Variants in PDE11A observed in about 807,000 individuals in gnomAD.
The protein encoded by PDE11A is phosphodiesterase 11A, also known as dual 3',5'-cyclic-AMP and -GMP phosphodiesterase 11A.
A neutral mutation model predicts 100.5 loss-of-function variants in PDE11A; 100 were observed. That is an observed-to-expected ratio of 1.00 (90% CI 0.85 to 1.18). The LOEUF (loss-of-function observed/expected upper bound fraction) is 1.18. Among genes scored for constraint, PDE11A ranks in the 50% most tolerant of loss-of-function variants. The probability of loss-of-function intolerance (pLI) is 0.00; values close to 1 mark genes in which losing one functional copy is unlikely to be tolerated. For missense variants in PDE11A, 1,141 were observed against 1,152.6 expected, an observed-to-expected ratio of 0.99 and a Z score of 0.15; for synonymous variants, 381 against 420.8, an observed-to-expected ratio of 0.91 and a Z score of 1.16.
intron 2 of PDE11A, among the ~76,000 whole-genome samples, chr2:178,099,437 A>C (rs1307126750): frequency 2.8e-5 from 4 of 141,642 alleles, no homozygotes; most frequent in African/African-American, 1.1e-4. Context: ...GTGAGACTCC[A>C]TCTCAAGAGA....
In PDE11A at chr2:177,627,075, C is replaced by G. The variant is rs1214147269; in HGVS notation, c.*2332G>C. 1 of 110,832 alleles carries G rather than the reference C, an allele frequency of 9.0e-6. No individual in the cohort carries two copies. Among genetic ancestry groups the G allele is most frequent in the African/African-American group, 3.6e-5 (1 of 27,404 alleles). The allele number at this position is 110,832 out of a possible 1,614,324, so 6.9% of individuals were successfully genotyped here. ...TTTGAGACGGAGTCTCGCTGGTCGC[C>G]CAGGCTGGAGGGCAGTGACGTGATC... On this transcript the variant is annotated 3_prime_UTR_variant, in exon 20 of 20. Coordinates refer to ENST00000286063, the MANE Select transcript of PDE11A (RefSeq NM_016953.4).
intron 2 of PDE11A, among the ~76,000 whole-genome samples, chr2:177,910,375 T>C (rs1401781934): frequency 6.6e-6 from 1 of 152,056 alleles, no homozygotes; most frequent in Non-Finnish European, 1.5e-5. Context: ...TTAATCTTTT[T>C]TTTCAGTCCC....
intron 6 of PDE11A, among the ~76,000 whole-genome samples, chr2:177,827,473 A>T (rs1391786748): frequency 6.6e-6 from 1 of 152,218 alleles, no homozygotes; most frequent in Non-Finnish European, 1.5e-5. Flanking sequence ...TTCTATTTAA[A>T]TGTTGAGTCC....
chr2:177,834,790 C>G (rs1035489544), intron 6 of PDE11A, among the ~76,000 whole-genome samples: 1 of 152,178 alleles, frequency 6.6e-6, no homozygotes, highest in Non-Finnish European at 1.5e-5. Flanking sequence ...TTCCTTTTCT[C>G]CACCCTGTAG....
chr2:177,820,527 C>A (rs1435517930), intron 6 of PDE11A, among the ~76,000 whole-genome samples: 1 of 151,866 alleles, frequency 6.6e-6, no homozygotes, highest in Non-Finnish European at 1.5e-5. Context: ...AAATCCAAAA[C>A]CAACATGACC....
At chr2:177,686,425 C>T (rs1183930629) in intron 15 of PDE11A, among the ~76,000 whole-genome samples, 1 of 151,980 alleles carries the variant, frequency 6.6e-6, no homozygotes. Context: ...AAATTAGCTA[C>T]ATGTGGAGGC....
In PDE11A at chr2:177,884,437, A is replaced by G. The variant is rs79629951; in HGVS notation, c.1303-8514T>C. ...GCAATAGCCAGATGAAATGATCTTCATTGTCTGGTGCATTTTGTCTTTCAC... is the reference window on the plus strand; with the variant it reads ...GCAATAGCCAGATGAAATGATCTTCGTTGTCTGGTGCATTTTGTCTTTCAC... On this transcript the variant is annotated intron_variant, in intron 4 of 19. Transcript: ENST00000286063. Among the ~76,000 whole-genome samples the G allele has an allele frequency of 9.8e-3, 1,487 of 152,246 alleles. 21 individuals are homozygous for G. Among genetic ancestry groups the G allele is most frequent in the African/African-American group, 0.034 (1,416 of 41,538 alleles).
At chr2:178,012,944 C>T (rs1339088304) in intron 2 of PDE11A, among the ~76,000 whole-genome samples, 1 of 152,126 alleles carries the variant, frequency 6.6e-6, no homozygotes, top group Non-Finnish European at 1.5e-5. Context: ...ACAAAATGCA[C>T]AAAATGAAAT....
intron 5 of PDE11A, 23 bp downstream of exon 5, chr2:177,875,836 C>T: frequency 1.3e-6 from 2 of 1,527,712 alleles, no homozygotes; most frequent in Non-Finnish European, 9.1e-7. Flanking sequence ...CATCAAAAGA[C>T]CCATGAACCC....
At chr2:178,074,011 A>G (rs762619706), upstream of PDE11A, among the ~76,000 whole-genome samples, 1 of 152,206 alleles carries the variant, frequency 6.6e-6, no homozygotes, top group Non-Finnish European at 1.5e-5. Context: ...ATAAAATGTG[A>G]TAACTCCATA....
At chr2:177,862,101 A>T (rs1023442767) in intron 5 of PDE11A, among the ~76,000 whole-genome samples, 6 of 151,920 alleles carry the variant, frequency 3.9e-5, no homozygotes, top group African/African-American at 1.4e-4. Context: ...TTCAATAGAC[A>T]CCATCAAGAA....
At chr2:177,988,162 C>A (rs192413165) in intron 2 of PDE11A, among the ~76,000 whole-genome samples, 13 of 152,322 alleles carry the variant, frequency 8.5e-5, no homozygotes, top group Non-Finnish European at 1.5e-4. Context: ...TATAATTATC[C>A]TGAGACCAGG....
intron 2 of PDE11A, among the ~76,000 whole-genome samples, chr2:177,922,442 T>C (rs1045155514): frequency 6.6e-6 from 1 of 151,654 alleles, no homozygotes; most frequent in African/African-American, 2.4e-5. Context: ...ATAATAATAA[T>C]AAAATTAAAA....
rs2079820853 is a variant in PDE11A at position 177,625,625 on chromosome 2, A to G, written c.*3782T>C. On this transcript the variant is annotated 3_prime_UTR_variant, in exon 20 of 20. Coordinates refer to ENST00000286063, the MANE Select transcript of PDE11A (RefSeq NM_016953.4). The stretch of plus-strand genomic sequence containing the variant: ...TGCCAAGAGACCTGAGGAAGCAAAC[A>G]TAATCTGGTCAGTTTGAGTTTTTAC... The G allele has an allele frequency of 6.6e-6, 1 of 152,242 alleles. No individual in the cohort carries two copies. 9.4% of individuals were successfully genotyped at this position (152,242 alleles called of 1,614,324 possible).
Position 177,651,129 on chromosome 2 carries a change from G to C in PDE11A, c.2646+12737C>G, listed in dbSNP as rs1004012666. On this transcript the variant is annotated intron_variant, in intron 19 of 19. Coordinates refer to ENST00000286063, the MANE Select transcript of PDE11A (RefSeq NM_016953.4). ...TGGTATTGTGAAGAGAATTAAATCAGATCATGCTTGGAAAGTTAGTCTTGA... is the reference window on the plus strand; with the variant it reads ...TGGTATTGTGAAGAGAATTAAATCACATCATGCTTGGAAAGTTAGTCTTGA... Among the ~76,000 whole-genome samples the C allele has an allele frequency of 1.6e-4, 25 of 152,254 alleles. No individual in the cohort carries two copies. In the Middle Eastern group the frequency reaches 0.01, roughly 62 times the overall value.
At chr2:177,645,999 T>C (rs1266790615) in intron 19 of PDE11A, among the ~76,000 whole-genome samples, 1 of 152,260 alleles carries the variant, frequency 6.6e-6, no homozygotes, top group Non-Finnish European at 1.5e-5. Flanking sequence ...TCAAGTTACT[T>C]GTTTTGCTTA....
chr2:177,790,851 C>T (rs1314311238), intron 9 of PDE11A, among the ~76,000 whole-genome samples: 2 of 152,200 alleles, frequency 1.3e-5, no homozygotes, highest in Non-Finnish European at 2.9e-5. Flanking sequence ...CATCTCACAT[C>T]AGTTAGAATG....
chr2:177,938,365 G>T (rs933202036), intron 2 of PDE11A, among the ~76,000 whole-genome samples: 9 of 152,158 alleles, frequency 5.9e-5, no homozygotes, highest in African/African-American at 2.2e-4. Flanking sequence ...CCATCCCTCT[G>T]CTCTGCCATG....
At chr2:177,669,629 C>T (rs1198676866) in intron 17 of PDE11A, 62 bp from the exon 18 acceptor site, 2 of 810,166 alleles carry the variant, frequency 2.5e-6, no homozygotes, top group African/African-American at 1.7e-5. Context: ...CTCAGAAGTT[C>T]TTTCTTGCTT....
Sources: gnomAD v4.1 joint callset for allele counts (sites outside exome capture counted in the v4.1 genomes callset) on GRCh38, gnomAD v4.1.1 for gene constraint, MANE v1.5 for transcripts, NCBI Gene and HGNC (gene_info 2026-07-23, HGNC 2026-07-21) for gene names.